SGCD: variants seen among roughly 807,000 people sequenced by gnomAD.
SGCD encodes delta-sarcoglycan.
SGCD carries 18 observed loss-of-function variants against 36.6 expected under a neutral mutation model. That is an observed-to-expected ratio of 0.49 (90% CI 0.34 to 0.73). The LOEUF (loss-of-function observed/expected upper bound fraction) is 0.73. Ranked by LOEUF, SGCD falls within the 30% of genes least tolerant of loss-of-function variation. The pLI, the probability that SGCD is intolerant of heterozygous loss-of-function variation, is 0.01. For missense variants in SGCD, 387 were observed against 346.7 expected, an observed-to-expected ratio of 1.12 and a Z score of -0.92; for synonymous variants, 133 against 130.6, an observed-to-expected ratio of 1.02 and a Z score of -0.12.
intron 7 of SGCD, among the ~76,000 whole-genome samples, chr5:156,700,213 C>T (rs1364068280): frequency 6.6e-6 from 1 of 152,188 alleles, no homozygotes. Context: ...GATTCCTAAC[C>T]TCAAGTGGGT....
the SGCD span, among the ~76,000 whole-genome samples, chr5:155,766,249 A>G: frequency 6.6e-6 from 1 of 152,072 alleles, no homozygotes; most frequent in African/African-American, 2.4e-5. Context: ...CATCCCTCTT[A>G]CTCTCCATGC....
At chr5:156,121,000 A>G (rs1482535557) in intron 2 of SGCD, among the ~76,000 whole-genome samples, 1 of 152,118 alleles carries the variant, frequency 6.6e-6, no homozygotes, top group Admixed American at 6.6e-5. Flanking sequence ...TGAATCAGAA[A>G]ACATGACTTT....
intron 1 of SGCD, among the ~76,000 whole-genome samples, chr5:156,029,386 C>A (rs1301961599): frequency 6.6e-6 from 1 of 152,012 alleles, no homozygotes; most frequent in Non-Finnish European, 1.5e-5. Context: ...ACTCACTCAC[C>A]CTTATAGTTG....
At chr5:156,351,609 A>ATCATCG (rs1289616766) in intron 3 of SGCD, among the ~76,000 whole-genome samples, 32 of 122,756 alleles carry the variant, frequency 2.6e-4, no homozygotes, top group African/African-American at 1.2e-3. Flanking sequence ...CGTAGTCATC[A>ATCATCG]TCATCATCAT....
chr5:155,831,731 TG>T, the SGCD span, among the ~76,000 whole-genome samples: 31 of 152,256 alleles, frequency 2.0e-4, no homozygotes, highest in Non-Finnish European at 4.4e-4. Flanking sequence ...CAATCGGGTC[TG>T]ATCAGTAGAA....
At chr5:156,490,037 A>G (rs1258418376) in intron 3 of SGCD, among the ~76,000 whole-genome samples, 1 of 152,030 alleles carries the variant, frequency 6.6e-6, no homozygotes, top group African/African-American at 2.4e-5. Context: ...GAGACATTAC[A>G]ACTGATCCGA....
intron 4 of SGCD, among the ~76,000 whole-genome samples, chr5:156,520,755 T>C (rs559937878): frequency 7.2e-5 from 11 of 152,078 alleles, no homozygotes; most frequent in African/African-American, 2.2e-4. Flanking sequence ...CGGTGGCTCA[T>C]GCCTGTAATC....
At chr5:156,048,127 C>T (rs1759820212) in intron 1 of SGCD, among the ~76,000 whole-genome samples, 1 of 152,166 alleles carries the variant, frequency 6.6e-6, no homozygotes, top group Non-Finnish European at 1.5e-5. Context: ...ATAGCTCCAT[C>T]CATGTCCCTA....
At chr5:156,272,652 C>T (rs1191500876) in intron 3 of SGCD, among the ~76,000 whole-genome samples, 1 of 152,198 alleles carries the variant, frequency 6.6e-6, no homozygotes, top group Non-Finnish European at 1.5e-5. Flanking sequence ...ACTAAGCCTT[C>T]TTGCTGTCTG....
At chr5:156,305,826 T>C (rs997741439) in intron 3 of SGCD, among the ~76,000 whole-genome samples, 2 of 152,224 alleles carry the variant, frequency 1.3e-5, no homozygotes, top group African/African-American at 4.8e-5. Context: ...GTGATCCAGA[T>C]ACAAGACATG....
chr5:155,897,075 AG>A (rs1252253683), intron 1 of SGCD, among the ~76,000 whole-genome samples: 5 of 152,200 alleles, frequency 3.3e-5, no homozygotes, highest in Non-Finnish European at 7.3e-5. Flanking sequence ...ATCTATTCTG[AG>A]AGATTTATTG....
the SGCD span, among the ~76,000 whole-genome samples, chr5:155,756,862 G>T: frequency 6.6e-6 from 1 of 152,148 alleles, no homozygotes; most frequent in South Asian, 2.1e-4. Context: ...CTGGTGTATG[G>T]GTGATGTCAA....
intron 1 of SGCD, among the ~76,000 whole-genome samples, chr5:156,025,593 T>C (rs1430322655): frequency 2.0e-5 from 3 of 152,218 alleles, no homozygotes; most frequent in African/African-American, 7.2e-5. Flanking sequence ...AGCACTACTA[T>C]TCTATGGGCC....
At chr5:156,084,553 C>A (rs1371322236) in intron 1 of SGCD, among the ~76,000 whole-genome samples, 1 of 151,550 alleles carries the variant, frequency 6.6e-6, no homozygotes, top group African/African-American at 2.4e-5. Context: ...ATCTTATAAT[C>A]TGTGAACTTG....
At chr5:156,185,561 T>C (rs1763722860) in intron 3 of SGCD, among the ~76,000 whole-genome samples, 1 of 151,908 alleles carries the variant, frequency 6.6e-6, no homozygotes, top group South Asian at 2.1e-4. Context: ...TTTTCAACTA[T>C]GAATTGATTA....
intron 3 of SGCD, among the ~76,000 whole-genome samples, chr5:156,175,981 A>G (rs1025275876): frequency 1.3e-5 from 2 of 152,030 alleles, no homozygotes; most frequent in African/African-American, 4.8e-5. Flanking sequence ...AAGTGAAAGA[A>G]GTTACTTGGC....
chr5:156,539,553 T>A (rs189009042), intron 4 of SGCD, among the ~76,000 whole-genome samples: 270 of 152,276 alleles, frequency 1.8e-3, no homozygotes, highest in African/African-American at 6.2e-3. Flanking sequence ...AATAATGGCC[T>A]CCAGCTTCAT....
chr5:156,158,836 T>C (rs1763022972), intron 3 of SGCD, among the ~76,000 whole-genome samples: 1 of 151,552 alleles, frequency 6.6e-6, no homozygotes, highest in Admixed American at 6.6e-5. Context: ...CATACTAGCA[T>C]GATAGAAAGG....
At chr5:155,767,295 A>G in the SGCD span, among the ~76,000 whole-genome samples, 2 of 152,194 alleles carry the variant, frequency 1.3e-5, no homozygotes, top group African/African-American at 4.8e-5. Flanking sequence ...AAGACATGTC[A>G]GTTGCCTGAA....
Sources: allele counts gnomAD v4.1 joint callset (sites outside exome capture counted in the v4.1 genomes callset), GRCh38; gene constraint gnomAD v4.1.1; transcripts MANE v1.5; gene names NCBI Gene and HGNC (gene_info 2026-07-23, HGNC 2026-07-21).